The following INTS9 variants were observed in gnomAD, a reference collection of about 807,000 sequenced individuals.
The protein encoded by INTS9 is protein related to CPSF subunits of 74 kDa.
INTS9 carries 55 observed loss-of-function variants against 79.7 expected under a neutral mutation model. The ratio of observed to expected loss-of-function variants is 0.69; its 90% CI spans 0.56 to 0.86. The LOEUF is 0.86. Ranked by LOEUF, INTS9 falls within the 40% of genes least tolerant of loss-of-function variation. The pLI is 0.00. For missense variants in INTS9, 721 were observed against 831.5 expected (o/e 0.87, Z 1.64); for synonymous variants, 319 against 325.2 (o/e 0.98, Z 0.20).
At chr8:28,842,879 C>T (rs1807271863) in intron 4 of INTS9, among the ~76,000 whole-genome samples, 1 of 152,148 alleles carries the variant, frequency 6.6e-6, no homozygotes, top group Non-Finnish European at 1.5e-5. Flanking sequence ...TCCCCTTCGA[C>T]AGAGTTGACA....
At chr8:28,876,323 G>A (rs1004807316) in intron 1 of INTS9, among the ~76,000 whole-genome samples, 4 of 152,076 alleles carry the variant, frequency 2.6e-5, no homozygotes, top group Non-Finnish European at 5.9e-5. Flanking sequence ...AAGACTTTAA[G>A]TTATAAAATC....
intron 8 of INTS9, chr8:28,810,306 G>A (rs941261102): frequency 1.3e-5 from 2 of 157,114 alleles, no homozygotes; most frequent in African/African-American, 4.8e-5. Flanking sequence ...TTGTGCTAAA[G>A]CTTAAGTGTT....
chr8:28,833,216 T>C (rs187294603), intron 6 of INTS9, among the ~76,000 whole-genome samples: 4 of 152,234 alleles, frequency 2.6e-5, no homozygotes, highest in East Asian at 1.9e-4. Flanking sequence ...CATTCTAATG[T>C]TGAAATAAGC....
intron 14 of INTS9, 152 bp downstream of exon 14, chr8:28,775,607 C>G: frequency 2.4e-6 from 2 of 831,194 alleles, no homozygotes; most frequent in Middle Eastern, 2.5e-4. Context: ...CCACCTTGGC[C>G]GCCCAAAGTG....
intron 6 of INTS9, among the ~76,000 whole-genome samples, chr8:28,821,131 G>A (rs946072742): frequency 6.6e-6 from 1 of 152,116 alleles, no homozygotes; most frequent in Non-Finnish European, 1.5e-5. Context: ...CAGATGGCAA[G>A]GAAACAATCA....
chr8:28,803,678 A>G (rs914612448), intron 8 of INTS9, among the ~76,000 whole-genome samples: 1 of 152,204 alleles, frequency 6.6e-6, no homozygotes, highest in Non-Finnish European at 1.5e-5. Flanking sequence ...AAAGTTCACT[A>G]TACAGTTCAT....
chr8:28,789,686 G>A (rs1005555328), intron 10 of INTS9, among the ~76,000 whole-genome samples: 1 of 152,144 alleles, frequency 6.6e-6, no homozygotes, highest in African/African-American at 2.4e-5. Flanking sequence ...TTGAACCCAG[G>A]AGTTCATGGG....
intron 8 of INTS9, among the ~76,000 whole-genome samples, chr8:28,811,459 T>C (rs986714835): frequency 6.6e-6 from 1 of 151,804 alleles, no homozygotes; most frequent in Non-Finnish European, 1.5e-5. Flanking sequence ...TCTCACTCTG[T>C]TACCCGCACT....
intron 1 of INTS9, among the ~76,000 whole-genome samples, chr8:28,878,315 A>G (rs1457396173): frequency 6.6e-6 from 1 of 151,992 alleles, no homozygotes; most frequent in African/African-American, 2.4e-5. Flanking sequence ...GAATCATTTA[A>G]CTGTTTTTGT....
intron 2 of INTS9, among the ~76,000 whole-genome samples, chr8:28,858,531 A>G (rs1444649619): frequency 1.3e-5 from 2 of 152,254 alleles, no homozygotes; most frequent in African/African-American, 2.4e-5. Context: ...GGGTGTAATT[A>G]TAACTGAATT....
At chr8:28,788,393 C>T (rs569678272) in intron 10 of INTS9, among the ~76,000 whole-genome samples, 1 of 152,180 alleles carries the variant, frequency 6.6e-6, no homozygotes, top group African/African-American at 2.4e-5. Flanking sequence ...GTGATCTACA[C>T]CTTGAGACAT....
intron 1 of INTS9, among the ~76,000 whole-genome samples, chr8:28,870,492 G>T (rs779782647): frequency 1.3e-5 from 2 of 151,554 alleles, no homozygotes; most frequent in South Asian, 2.1e-4. Flanking sequence ...AATGGTTAAC[G>T]AAATGGTAAA....
intron 8 of INTS9, 102 bp downstream of exon 8, chr8:28,812,224 CA>C: frequency 8.4e-7 from 1 of 1,189,708 alleles, no homozygotes; most frequent in South Asian, 1.4e-5. Flanking sequence ...TGTAGAAAAC[CA>C]TATTTGGAAG....
chr8:28,825,704 T>C (rs1433769608), intron 6 of INTS9, among the ~76,000 whole-genome samples: 1 of 152,238 alleles, frequency 6.6e-6, no homozygotes, highest in Non-Finnish European at 1.5e-5. Context: ...AACAGTCTTA[T>C]ATTCACCCTA....
chr8:28,774,842 C>T lies in INTS9; in HGVS notation c.1563+917G>A, dbSNP rs540843521. ...CTCAACGCTGTCTTTCAGGAGAGGC[C>T]GCGTCCCTCTCTGTCTCCCTCTCAG... On this transcript the variant is annotated intron_variant, in intron 14 of 16. Transcript: ENST00000521022. Among the ~76,000 whole-genome samples the T allele has an allele frequency of 9.8e-5, 15 of 152,314 alleles. No homozygotes were observed. The South Asian group carries it at 1.0e-3, about 11-fold the overall frequency.
At chr8:28,839,770 C>T (rs1158558769) in intron 4 of INTS9, among the ~76,000 whole-genome samples, 1 of 152,018 alleles carries the variant, frequency 6.6e-6, no homozygotes, top group African/African-American at 2.4e-5. Flanking sequence ...CCCTTCTTTA[C>T]ACCTTATACA....
chr8:28,793,190 CG>C (rs1485899216), intron 10 of INTS9, among the ~76,000 whole-genome samples: 2 of 152,104 alleles, frequency 1.3e-5, no homozygotes, highest in African/African-American at 2.4e-5. Context: ...AGTCCCGGAA[CG>C]TTTGGGAAGC....
intron 9 of INTS9, among the ~76,000 whole-genome samples, chr8:28,794,279 T>A (rs944741061): frequency 1.3e-5 from 2 of 152,220 alleles, no homozygotes; most frequent in African/African-American, 4.8e-5. Flanking sequence ...TCCAAGCTCC[T>A]TCCCGTTTTA....
At chr8:28,774,863 C>T (rs1026086221) in intron 14 of INTS9, among the ~76,000 whole-genome samples, 1 of 152,256 alleles carries the variant, frequency 6.6e-6, no homozygotes, top group Non-Finnish European at 1.5e-5. Context: ...CTGTCTCCCT[C>T]TCAGAGGAGT....
Sources: gnomAD v4.1 joint callset for allele counts (sites outside exome capture counted in the v4.1 genomes callset) on GRCh38, gnomAD v4.1.1 for gene constraint, MANE v1.5 for transcripts, NCBI Gene and HGNC (gene_info 2026-07-23, HGNC 2026-07-21) for gene names.